Variants in ALOX15 observed in about 807,000 individuals in gnomAD.
ALOX15 encodes polyunsaturated fatty acid lipoxygenase ALOX15.
Under a neutral mutation model 71.7 loss-of-function variants are expected in ALOX15, and 68 were observed. The ratio of observed to expected loss-of-function variants is 0.95; its 90% CI spans 0.78 to 1.16. The LOEUF is 1.16. ALOX15 is among the 50% of genes most tolerant of loss of function. The pLI is 0.00. For synonymous variants in ALOX15, 346 were observed against 333.3 expected (o/e 1.04, Z -0.42); for missense variants, 798 against 818.8 (o/e 0.97, Z 0.31).
chr17:4,641,477 C>A, intron 1 of ALOX15, 40 bp downstream of exon 1: 1 of 1,598,948 alleles, frequency 6.3e-7, no homozygotes, highest in Non-Finnish European at 8.5e-7. Flanking sequence ...GACTCGGAGC[C>A]AGGGGCGCAG....
Position 4,635,881 on chromosome 17 carries a change from C to G in ALOX15, c.1039G>C (p.Val347Leu). The change falls in exon 8 of 14, where the codon GTG becomes CTG. Residue 347 changes from valine to leucine, a missense_variant. This residue lies in a region of ALOX15 where 490 missense variants were observed against 509.4 expected (regional missense o/e 0.96). Transcript: ENST00000293761. ...PMAWLLAKCW[V>L]RSSDFQLHEL... ...TGGAGCTGGAAGTCAGAGCTGCGCACCCAGCATTTGGCCAGAAGCCAGGCC... is the reference window on the plus strand; with the variant it reads ...TGGAGCTGGAAGTCAGAGCTGCGCAGCCAGCATTTGGCCAGAAGCCAGGCC... The G allele has an allele frequency of 6.2e-7, 1 of 1,614,258 alleles. No individual in the cohort carries two copies. Among genetic ancestry groups the G allele is most frequent in the Non-Finnish European group, 8.5e-7 (1 of 1,180,050 alleles).
At chr17:4,637,286 C>T (rs1217455283) in intron 6 of ALOX15, 28 bp from the exon 7 acceptor site, 1 of 1,588,734 alleles carries the variant, frequency 6.3e-7, no homozygotes, top group Admixed American at 1.7e-5. Flanking sequence ...TCAAGGGCTG[C>T]TATCAACATA....
At chr17:4,632,432 G>A (rs890963523) in intron 11 of ALOX15, 151 bp from the exon 12 acceptor site, 6 of 701,792 alleles carry the variant, frequency 8.5e-6, no homozygotes, top group Middle Eastern at 3.0e-4. Context: ...AGGTTGGGGT[G>A]GGGGAGTGGG....
chr17:4,639,823 G>T, intron 1 of ALOX15, 192 bp from the exon 2 acceptor site: 2 of 583,760 alleles, frequency 3.4e-6, no homozygotes, highest in Non-Finnish European at 6.0e-6. Flanking sequence ...GTTCTGAGGG[G>T]ACGGGGACGG....
intron 1 of ALOX15, among the ~76,000 whole-genome samples, chr17:4,640,383 C>A (rs1433055711): frequency 3.8e-4 from 54 of 143,032 alleles, no homozygotes; most frequent in Non-Finnish European, 7.0e-4. Context: ...ATAGAGAAAC[C>A]GGGAGGACCG....
Position 4,638,379 on chromosome 17 carries a change from T to C in ALOX15, c.647-2A>G. The C allele has an allele frequency of 3.3e-6, 3 of 921,046 alleles. No individual in the cohort carries two copies. The highest frequency in any genetic ancestry group is 3.4e-6 in the Non-Finnish European group (2 of 596,472). The allele number at this position is 921,046 out of a possible 1,614,324, so 57.1% of individuals were successfully genotyped here. A position where few individuals can be genotyped will look rare whatever the true frequency, so the allele number is the denominator to read the frequency against. On this transcript the variant is annotated splice_acceptor_variant, in intron 5 of 13. Transcript: ENST00000293761. LOFTEE classifies it high-confidence loss of function. ...CCTTCCAGGAGTCCCGCACGCGCTC[T>C]GGGGAAGGCAGTTGTTGAGCAAGTT... is the stretch of plus-strand genomic sequence containing the variant.
chr17:4,634,614 A>C (rs1460074819), intron 8 of ALOX15, among the ~76,000 whole-genome samples: 1 of 151,820 alleles, frequency 6.6e-6, no homozygotes, highest in Non-Finnish European at 1.5e-5. Flanking sequence ...TATACTGTAT[A>C]TCTGTCTATG....
intron 1 of ALOX15, 93 bp downstream of exon 1, chr17:4,641,424 G>A: frequency 7.2e-6 from 11 of 1,524,448 alleles, no homozygotes; most frequent in East Asian, 2.3e-5. Flanking sequence ...AAGAGAATCG[G>A]CCAGAGGCCA....
At position 4,632,886 on chromosome 17, in the gene ALOX15, G is replaced by A. The variant is rs761736437; in HGVS notation, c.1515C>T (p.Ile505=). ...LQTWCREITE[I]GLQGAQDRGF... is the part of the protein sequence containing the mutation. ...CTCGGTCCTGGGCCCCTTGCAGCCC[G>A]ATTTCAGTGATCTCTCGACACCAGG... The change falls in exon 11 of 14, where the codon ATC becomes ATT. Residue 505 remains isoleucine (I), a synonymous_variant. Transcript: ENST00000293761. 56 of 1,613,980 alleles carry A rather than the reference G, an allele frequency of 3.5e-5. No individual in the cohort carries two copies. Among genetic ancestry groups the A allele is most frequent in the South Asian group, 2.4e-4 (22 of 91,082 alleles).
At position 4,633,506 on chromosome 17, in the gene ALOX15, G is replaced by C; in HGVS notation, c.1162-6C>G. ...CGCAGGTGGGGAATTATAAGCTAGAGGGAGAAACACAGGGAAGGGCAGAGT... is the reference window on the plus strand; with the variant it reads ...CGCAGGTGGGGAATTATAAGCTAGACGGAGAAACACAGGGAAGGGCAGAGT... On this transcript the variant is annotated splice_polypyrimidine_tract_variant and splice_region_variant and intron_variant, in intron 8 of 13. Transcript: ENST00000293761. The C allele has an allele frequency of 1.2e-6, 2 of 1,612,434 alleles. No homozygotes were observed. Among genetic ancestry groups the C allele is most frequent in the Non-Finnish European group, 1.7e-6 (2 of 1,178,512 alleles).
intron 4 of ALOX15, 57 bp from the exon 5 acceptor site, chr17:4,638,741 G>C (rs746373194): frequency 1.1e-4 from 177 of 1,612,844 alleles, no homozygotes; most frequent in Non-Finnish European, 1.4e-4. Context: ...CTAACATGAC[G>C]ACCACAGGCA....
At chr17:4,639,324 C>A in intron 2 of ALOX15, 106 bp downstream of exon 2, 2 of 1,475,138 alleles carry the variant, frequency 1.4e-6, no homozygotes, top group Admixed American at 1.9e-5. Flanking sequence ...GACCCCGGCG[C>A]TCCAGGTTCC....
intron 8 of ALOX15, 31 bp downstream of exon 8, chr17:4,635,728 G>A (rs1268002027): frequency 6.2e-7 from 1 of 1,609,474 alleles, no homozygotes; most frequent in Non-Finnish European, 8.5e-7. Context: ...AGAGATAGTG[G>A]CAGGCAAGAG....
chr17:4,639,138 AG>A lies in ALOX15; in HGVS notation c.338-7del, dbSNP rs1217205194. On this transcript the variant is annotated splice_region_variant and splice_polypyrimidine_tract_variant and intron_variant, in intron 2 of 13. Coordinates refer to ENST00000293761, the MANE Select transcript of ALOX15 (RefSeq NM_001140.5). ...GTCCTCGCCCACAGTGCGGCCTAGA[AG>A]GACAGAGGAGGACTTGGCCAGTGAC... 11 of 1,613,960 alleles carry A rather than the reference AG, an allele frequency of 6.8e-6. No homozygotes were observed. In the African/African-American group the frequency reaches 1.3e-4, roughly 20 times the overall value.
At chr17:4,637,655 C>T (rs1345592730) in intron 6 of ALOX15, among the ~76,000 whole-genome samples, 1 of 152,178 alleles carries the variant, frequency 6.6e-6, no homozygotes, top group Non-Finnish European at 1.5e-5. Flanking sequence ...CTCAGGTGAT[C>T]CTCCTGCAGC....
intron 11 of ALOX15, 78 bp from the exon 12 acceptor site, chr17:4,632,359 A>G: frequency 8.4e-7 from 1 of 1,186,776 alleles, no homozygotes. Context: ...AAGAGAGGAG[A>G]ACAAGGGCGA....
Position 4,638,115 on chromosome 17 carries a change from G to C in ALOX15, c.807+102C>G, listed in dbSNP as rs576047036. On this transcript the variant is annotated intron_variant, in intron 6 of 13. Coordinates refer to ENST00000293761, the MANE Select transcript of ALOX15 (RefSeq NM_001140.5). The stretch of plus-strand genomic sequence containing the variant: ...TCTCCTGCAGAATCCGTCCTTGCTG[G>C]CTGGCAGCAAGCCAGGCCCACAGTG... 2.0e-4 allele frequency: 119 copies of C among 591,328 alleles called. 1 individual carries two copies. In the African/African-American group the frequency reaches 2.1e-3, roughly 10 times the overall value. The allele number at this position is 591,328 out of a possible 1,614,324, so 36.6% of individuals were successfully genotyped here.
chr17:4,638,448 C>T (rs974598559), intron 5 of ALOX15, 71 bp from the exon 6 acceptor site: 25 of 797,220 alleles, frequency 3.1e-5, no homozygotes, highest in Non-Finnish European at 4.8e-5. Context: ...CCAACCATGC[C>T]TCCTTGACTC....
intron 8 of ALOX15, 23 bp downstream of exon 8, chr17:4,635,734 AAG>A: frequency 1.2e-6 from 2 of 1,612,604 alleles, no homozygotes; most frequent in African/African-American, 1.3e-5. Flanking sequence ...AGTGGCAGGC[AAG>A]AGAGAAGGGG....
Sources: gnomAD v4.1 joint callset for allele counts (sites outside exome capture counted in the v4.1 genomes callset) on GRCh38, gnomAD v4.1.1 for gene constraint, gnomAD v4.1.1 regional missense constraint, MANE v1.5 for transcripts, NCBI Gene and HGNC (gene_info 2026-07-23, HGNC 2026-07-21) for gene names.